TRAK1: variants seen among roughly 807,000 people sequenced by gnomAD.
TRAK1 encodes trafficking kinesin protein 1.
A neutral mutation model predicts 92.1 loss-of-function variants in TRAK1; 33 were observed. The ratio of observed to expected loss-of-function variants is 0.36; its 90% CI spans 0.27 to 0.48. TRAK1 has a LOEUF of 0.48. TRAK1 is among the 20% of genes least tolerant of loss of function. The probability of loss-of-function intolerance (pLI) is 0.99; values close to 1 mark genes in which losing one functional copy is unlikely to be tolerated. For synonymous variants in TRAK1, 521 were observed against 517.3 expected, an observed-to-expected ratio of 1.01 and a Z score of -0.10; for missense variants, 1,123 against 1,257.9, an observed-to-expected ratio of 0.89 and a Z score of 1.62.
At position 42,224,190 on chromosome 3, in the gene TRAK1, G is replaced by A; in HGVS notation, c.*453G>A. 1 of 434,018 alleles carries A rather than the reference G, an allele frequency of 2.3e-6. No homozygotes were observed. Among genetic ancestry groups the A allele is most frequent in the Non-Finnish European group, 4.5e-6 (1 of 219,996 alleles). The allele number at this position is 434,018 out of a possible 1,614,324, so 26.9% of individuals were successfully genotyped here. ...TGGGTGTCATCGGACACCTCACCTC[G>A]CCCACCCTGTAGGAGCGTAAGGAGC... On this transcript the variant is annotated 3_prime_UTR_variant, in exon 16 of 16. Transcript: ENST00000327628.
intron 1 of TRAK1, among the ~76,000 whole-genome samples, chr3:42,031,646 C>T (rs1382140864): frequency 6.6e-6 from 1 of 151,846 alleles, no homozygotes; most frequent in Non-Finnish European, 1.5e-5. Flanking sequence ...AAATAGTTTT[C>T]TGAACATTCT....
chr3:42,210,403 T>TA (rs10717713), intron 14 of TRAK1: 14,282 of 1,055,278 alleles, frequency 0.014, 2 homozygotes, highest in Middle Eastern at 0.019. Flanking sequence ...GAAAGGCTGC[T>TA]AAAAAAAAAA....
intron 2 of TRAK1, among the ~76,000 whole-genome samples, chr3:42,134,810 A>G (rs1204108683): frequency 6.9e-6 from 1 of 144,404 alleles, no homozygotes; most frequent in African/African-American, 2.6e-5. Context: ...CGATCTCCTG[A>G]CCTCGTGATC....
At chr3:42,018,339 G>T (rs1291911603) in intron 1 of TRAK1, among the ~76,000 whole-genome samples, 1 of 151,946 alleles carries the variant, frequency 6.6e-6, no homozygotes, top group Non-Finnish European at 1.5e-5. Context: ...TTTCCCTGAG[G>T]TTCTGGGGAA....
chr3:42,216,495 G>A (rs531146580), intron 14 of TRAK1, among the ~76,000 whole-genome samples: 2 of 152,308 alleles, frequency 1.3e-5, no homozygotes, highest in South Asian at 4.1e-4. Flanking sequence ...GTGAAAGTAA[G>A]AGTGGTTCTC....
At chr3:42,097,223 T>C (rs1436313076) in intron 1 of TRAK1, among the ~76,000 whole-genome samples, 2 of 152,236 alleles carry the variant, frequency 1.3e-5, no homozygotes, top group Non-Finnish European at 2.9e-5. Context: ...ATTAATTCCC[T>C]ATTGTAAGAC....
intron 14 of TRAK1, among the ~76,000 whole-genome samples, chr3:42,215,523 TG>T (rs1362992911): frequency 7.0e-6 from 1 of 143,808 alleles, no homozygotes; most frequent in Non-Finnish European, 1.5e-5. Flanking sequence ...TGTGTGTGTG[TG>T]TACTGGTTGA....
intron 1 of TRAK1, among the ~76,000 whole-genome samples, chr3:42,037,668 A>G (rs1702374985): frequency 6.6e-6 from 1 of 152,250 alleles, no homozygotes; most frequent in Non-Finnish European, 1.5e-5. Context: ...AGAACTTGCC[A>G]AGGGCTAAAG....
chr3:42,064,672 T>C (rs1368394205), intron 1 of TRAK1, among the ~76,000 whole-genome samples: 1 of 152,244 alleles, frequency 6.6e-6, no homozygotes, highest in East Asian at 1.9e-4. Flanking sequence ...GACTTCCTGA[T>C]ATGAAAAGCT....
chr3:42,223,028 T>C lies in TRAK1; in HGVS notation c.2153T>C (p.Leu718Pro). ...GCCACACCATGCACTCCACGGAGAC[T>C]GAGCCTGGCTGAGTCCTTCACTAAC... ...PVATPCTPRR[L>P]SLAESFTNTR... The change falls in exon 16 of 16, where the codon CTG becomes CCG. Residue 718 changes from leucine to proline, a missense_variant. Physicochemically the swap from Leu to Pro is moderately conservative, Grantham distance 98 (BLOSUM62 -3). Coordinates refer to ENST00000327628, the MANE Select transcript of TRAK1 (RefSeq NM_001042646.3). This position sits in a 1 kb window ranked among gnomAD's most constrained non-coding sequence, Gnocchi z 6.1. 6.2e-7 allele frequency: 1 copy of C among 1,614,140 alleles called. No homozygotes were observed. Among genetic ancestry groups the C allele is most frequent in the Non-Finnish European group, 8.5e-7 (1 of 1,180,022 alleles).
At chr3:42,036,422 T>A (rs147355832) in intron 1 of TRAK1, among the ~76,000 whole-genome samples, 6 of 152,350 alleles carry the variant, frequency 3.9e-5, no homozygotes. Context: ...TGTGTGTTCC[T>A]CTTACAGCTC....
intron 15 of TRAK1, 23 bp downstream of exon 15, chr3:42,219,619 TG>T: frequency 3.1e-6 from 2 of 650,160 alleles, no homozygotes; most frequent in Non-Finnish European, 5.4e-6. Flanking sequence ...GGCTTTGGGG[TG>T]GGCAGGGGTG....
At chr3:42,185,088 A>AGC (rs1704602876) in intron 4 of TRAK1, among the ~76,000 whole-genome samples, 1 of 152,152 alleles carries the variant, frequency 6.6e-6, no homozygotes, top group Admixed American at 6.5e-5. Flanking sequence ...TCTGTGTGCC[A>AGC]TGTTGGGCCA....
At chr3:42,144,113 C>A (rs960998103) in intron 2 of TRAK1, among the ~76,000 whole-genome samples, 9 of 152,280 alleles carry the variant, frequency 5.9e-5, no homozygotes, top group Admixed American at 5.2e-4. Context: ...TACCTCACCC[C>A]ACCTGTCACT....
chr3:42,196,317 T>G (rs1447179369), intron 10 of TRAK1, among the ~76,000 whole-genome samples: 5 of 152,284 alleles, frequency 3.3e-5, no homozygotes, highest in Middle Eastern at 3.4e-3. Context: ...GAGTAGCAGT[T>G]TTTGCACAAC....
At chr3:42,121,994 T>C (rs1372029220) in intron 1 of TRAK1, among the ~76,000 whole-genome samples, 1 of 152,072 alleles carries the variant, frequency 6.6e-6, no homozygotes, top group Non-Finnish European at 1.5e-5. Context: ...ATTTTTATAC[T>C]TTTAGTGGAG....
At chr3:42,193,021 T>C (rs1706042581) in intron 7 of TRAK1, 54 bp from the exon 8 acceptor site, 3 of 1,604,218 alleles carry the variant, frequency 1.9e-6, no homozygotes, top group Non-Finnish European at 2.6e-6. Flanking sequence ...TCTCTCTGGG[T>C]CTGCATGTGT....
intron 13 of TRAK1, among the ~76,000 whole-genome samples, chr3:42,206,092 CTT>C (rs1308994270): frequency 6.6e-6 from 1 of 152,194 alleles, no homozygotes; most frequent in African/African-American, 2.4e-5. Context: ...AAAGAGGTAA[CTT>C]GGGCTCTGAA....
chr3:42,162,019 C>T (rs142932964), intron 2 of TRAK1, among the ~76,000 whole-genome samples: 1 of 152,264 alleles, frequency 6.6e-6, no homozygotes, highest in East Asian at 1.9e-4. Flanking sequence ...AAATGCAGAA[C>T]CTTAGGCCCC....
Sources: allele counts gnomAD v4.1 joint callset (sites outside exome capture counted in the v4.1 genomes callset), GRCh38; gene constraint gnomAD v4.1.1; non-coding constraint Gnocchi (gnomAD v3.1); transcripts MANE v1.5; gene names NCBI Gene and HGNC (gene_info 2026-07-23, HGNC 2026-07-21).